Variants in PTGFRN observed in about 807,000 individuals in gnomAD.
The protein encoded by PTGFRN is prostaglandin F2 receptor inhibitor.
In PTGFRN, 35 loss-of-function variants were observed where a neutral mutation model predicts 83.2. That is an observed-to-expected ratio of 0.42 (90% CI 0.32 to 0.56). The LOEUF is 0.56. Among genes scored for constraint, PTGFRN ranks in the 20% least tolerant of loss-of-function variants. The pLI, the probability that PTGFRN is intolerant of heterozygous loss-of-function variation, is 0.11. For synonymous variants in PTGFRN, 519 were observed against 498.6 expected (o/e 1.04, Z -0.55); for missense variants, 1,051 against 1,179.5 (o/e 0.89, Z 1.60).
At position 116,967,035 on chromosome 1, in the gene PTGFRN, G is replaced by A. The variant is rs369745541; in HGVS notation, c.1764G>A (p.Met588Ile). The part of the protein sequence containing the change: ...IKSPRYSVLI[M>I]AEKPVGDLSS... ...CGCCACGCTACTCTGTTCTCATCAT[G>A]GCTGAGAAGCCTGTCGGCGACCTCT... The change falls in exon 6 of 9, where the codon ATG (methionine) becomes ATA (isoleucine). Residue 588 changes from methionine (M) to isoleucine (I), a missense_variant. Met to Ile is a conservative substitution (Grantham distance 10). Coordinates refer to ENST00000393203, the MANE Select transcript of PTGFRN (RefSeq NM_020440.4). The A allele has an allele frequency of 1.2e-6, 2 of 1,614,062 alleles. No individual in the cohort carries two copies. Among genetic ancestry groups the A allele is most frequent in the African/African-American group, 2.7e-5 (2 of 74,930 alleles).
At chr1:116,957,719 C>T (rs1650537662) in intron 4 of PTGFRN, among the ~76,000 whole-genome samples, 1 of 152,148 alleles carries the variant, frequency 6.6e-6, no homozygotes, top group Non-Finnish European at 1.5e-5. Flanking sequence ...ATTTCTGGAA[C>T]TTATTCCTCC....
intron 1 of PTGFRN, among the ~76,000 whole-genome samples, chr1:116,914,277 A>C (rs1361806315): frequency 1.3e-5 from 2 of 152,166 alleles, no homozygotes; most frequent in African/African-American, 2.4e-5. Context: ...TGTGGGTCAG[A>C]CTTGAAAGTG....
chr1:116,951,041 A>G (rs189296200), intron 4 of PTGFRN, among the ~76,000 whole-genome samples: 2 of 152,188 alleles, frequency 1.3e-5, no homozygotes, highest in East Asian at 3.9e-4. Flanking sequence ...AGTGTATTGT[A>G]TGGTGCTGTC....
Position 116,942,037 on chromosome 1 carries a change from A to G in PTGFRN, c.372A>G (p.Thr124=). 1 of 1,614,182 alleles carries G rather than the reference A, an allele frequency of 6.2e-7. No individual in the cohort carries two copies. Residue 124 remains threonine, a synonymous_variant, in exon 2 of 9, where the codon ACA becomes ACG. Transcript: ENST00000393203. The part of the protein sequence containing the change: ...QGHYKCSTPS[T]DATVQGNYED... ...ACTACAAATGTTCAACCCCCAGCAC[A>G]GATGCCACTGTCCAGGGAAACTATG... is the stretch of plus-strand genomic sequence containing the variant.
chr1:116,910,019 C>T lies in PTGFRN; in HGVS notation c.-185C>T. On this transcript the variant is annotated 5_prime_UTR_variant, in exon 1 of 9. Transcript: ENST00000393203. ...AGGGAGGGAAGGAGGCGGGAGGGAGCGAGCGGAGCCAGGGGCGCACGTACG... is the reference window on the plus strand; with the variant it reads ...AGGGAGGGAAGGAGGCGGGAGGGAGTGAGCGGAGCCAGGGGCGCACGTACG... 4.4e-6 allele frequency: 3 copies of T among 685,636 alleles called. No individual in the cohort carries two copies. Among genetic ancestry groups the T allele is most frequent in the South Asian group, 3.2e-5 (2 of 62,002 alleles). The allele number at this position is 685,636 out of a possible 1,614,324, so 42.5% of individuals were successfully genotyped here.
chr1:116,942,125 T>G, intron 2 of PTGFRN, 42 bp downstream of exon 2: 1 of 1,564,154 alleles, frequency 6.4e-7, no homozygotes, highest in Non-Finnish European at 8.7e-7. Context: ...GGGCCAGACC[T>G]TTCTCTGCCC....
chr1:116,916,972 T>G (rs1415450509), intron 1 of PTGFRN, among the ~76,000 whole-genome samples: 3 of 151,502 alleles, frequency 2.0e-5, no homozygotes, highest in African/African-American at 2.4e-5. Context: ...AGACAGGAAA[T>G]GAAAGGGAGA....
In PTGFRN at chr1:116,949,306, C is replaced by T; in HGVS notation, c.947C>T (p.Ser316Phe). 6 of 1,614,276 alleles carry T rather than the reference C, an allele frequency of 3.7e-6. No homozygotes were observed. Among genetic ancestry groups the T allele is most frequent in the Non-Finnish European group, 5.1e-6 (6 of 1,180,052 alleles). Reference protein sequence around the residue: ...ADDVRPEVTWSFSRMPDSTLP... With the variant: ...ADDVRPEVTWFFSRMPDSTLP... ...GACGTCCGGCCCGAGGTGACGTGGT[C>T]CTTCAGCAGGATGCCTGACAGCACC... Residue 316 changes from serine to phenylalanine, a missense_variant, in exon 4 of 9, where the codon TCC (serine) becomes TTC (phenylalanine). This residue lies in a region of PTGFRN where 719 missense variants were observed against 836.6 expected (regional missense o/e 0.86). Transcript: ENST00000393203.
At chr1:116,984,629 T>C (rs1053945420) in intron 7 of PTGFRN, 51 bp from the exon 8 acceptor site, 5 of 1,561,874 alleles carry the variant, frequency 3.2e-6, no homozygotes, top group Admixed American at 3.5e-5. Flanking sequence ...GCCATACATA[T>C]GACTTCTGCC....
At chr1:116,976,903 G>A (rs957956684) in intron 7 of PTGFRN, among the ~76,000 whole-genome samples, 1 of 152,174 alleles carries the variant, frequency 6.6e-6, no homozygotes, top group Admixed American at 6.5e-5. Flanking sequence ...TGGGCTAAAT[G>A]CTCCAATTAA....
At chr1:116,913,642 C>T (rs1464509389) in intron 1 of PTGFRN, among the ~76,000 whole-genome samples, 1 of 152,166 alleles carries the variant, frequency 6.6e-6, no homozygotes, top group Admixed American at 6.5e-5. Context: ...CCCCTGGGGG[C>T]AGGGGCCACG....
In PTGFRN at chr1:116,962,791, T is replaced by C. The variant is rs114743840; in HGVS notation, c.1639+1123T>C. 3.3e-3 allele frequency among the ~76,000 whole-genome samples: 499 copies of C among 152,324 alleles called. 1 individual carries two copies. Among genetic ancestry groups the C allele is most frequent in the Middle Eastern group, 6.8e-3 (2 of 294 alleles). Reference sequence around the variant, plus strand: ...TCCAGCAACAATCCCCCAACCTTACTGGGGCCAACAATCTGTTAATCCTAC... The same window carrying C: ...TCCAGCAACAATCCCCCAACCTTACCGGGGCCAACAATCTGTTAATCCTAC... On this transcript the variant is annotated intron_variant, in intron 5 of 8. Transcript: ENST00000393203.
Position 116,958,711 on chromosome 1 carries a change from G to A in PTGFRN, c.1214-2532G>A, listed in dbSNP as rs1014284784. 6.6e-6 allele frequency among the ~76,000 whole-genome samples: 1 copy of A among 152,194 alleles called. No homozygotes were observed. The highest frequency in any genetic ancestry group is 2.4e-5 in the African/African-American group (1 of 41,450). ...CCCCATTTGTATGGGTGAGGCACCA[G>A]AGATCTGAGTAATCTACCCAAGGTC... On this transcript the variant is annotated intron_variant, in intron 4 of 8. Coordinates refer to ENST00000393203, the MANE Select transcript of PTGFRN (RefSeq NM_020440.4). This position sits in a 1 kb window ranked among gnomAD's most constrained non-coding sequence, Gnocchi z 4.9.
At position 116,944,829 on chromosome 1, in the gene PTGFRN, G is replaced by C. The variant is rs1383538125; in HGVS notation, c.569G>C (p.Gly190Ala). 1.3e-6 allele frequency: 2 copies of C among 1,581,838 alleles called. No homozygotes were observed. The highest frequency in any genetic ancestry group is 2.3e-5 in the East Asian group (1 of 43,578). The change falls in exon 3 of 9, where the codon GGC becomes GCC. Residue 190 changes from glycine to alanine, a missense_variant. This residue lies in a region of PTGFRN where 205 missense variants were observed against 174.5 expected (regional missense o/e 1.17). Transcript: ENST00000393203. ...HLALLWEVHR[G>A]PARRSVLALT... ...GCGCTGCTGTGGGAGGTGCACCGCG[G>C]CCCGGCCAGGCGGAGCGTCCTCGCC...
chr1:116,949,104 C>G (rs1650268394), intron 3 of PTGFRN, 88 bp from the exon 4 acceptor site: 1 of 1,474,924 alleles, frequency 6.8e-7, no homozygotes, highest in Non-Finnish European at 9.1e-7. Flanking sequence ...TAAATAAGAA[C>G]TTAAAAGGAG....
intron 1 of PTGFRN, among the ~76,000 whole-genome samples, chr1:116,940,058 G>A (rs781146121): frequency 1.3e-5 from 2 of 152,136 alleles, no homozygotes; most frequent in African/African-American, 2.4e-5. Flanking sequence ...ACTTTCCCAC[G>A]TTTTCCTGGG....
rs996146428 is a variant in PTGFRN, at chr1:116,941,291, G to A, written c.50-424G>A. On this transcript the variant is annotated intron_variant, in intron 1 of 8. Coordinates refer to ENST00000393203, the MANE Select transcript of PTGFRN (RefSeq NM_020440.4). This position sits in a 1 kb window ranked among gnomAD's most constrained non-coding sequence, Gnocchi z 5.0. ...GTAAATCAGGTCTCAGGAGCCCCAGGGAATGGTCTCTAGGGATGAGGGCTG... is the reference window on the plus strand; with the variant it reads ...GTAAATCAGGTCTCAGGAGCCCCAGAGAATGGTCTCTAGGGATGAGGGCTG... Among the ~76,000 whole-genome samples the A allele has an allele frequency of 2.0e-5, 3 of 152,198 alleles. No individual in the cohort carries two copies. The highest frequency in any genetic ancestry group is 7.2e-5 in the African/African-American group (3 of 41,448).
intron 5 of PTGFRN, among the ~76,000 whole-genome samples, chr1:116,963,567 A>AG (rs1286658379): frequency 6.6e-6 from 1 of 151,814 alleles, no homozygotes; most frequent in African/African-American, 2.4e-5. Context: ...GTTTTTTAAG[A>AG]GGGGGTGGGG....
chr1:116,962,593 C>T (rs1406153958), intron 5 of PTGFRN: 2 of 152,570 alleles, frequency 1.3e-5, no homozygotes, highest in Non-Finnish European at 2.9e-5. Context: ...AGTTGCTTGT[C>T]CTCCTCTCTG....
Sources: gnomAD v4.1 joint callset for allele counts (sites outside exome capture counted in the v4.1 genomes callset) on GRCh38, gnomAD v4.1.1 for gene constraint, gnomAD v4.1.1 regional missense constraint, Gnocchi (gnomAD v3.1) non-coding constraint, MANE v1.5 for transcripts, NCBI Gene and HGNC (gene_info 2026-07-23, HGNC 2026-07-21) for gene names.